The following SPATC1 variants were observed in gnomAD, a reference collection of about 807,000 sequenced individuals.
SPATC1 encodes speriolin.
SPATC1 carries 35 observed loss-of-function variants against 36.5 expected under a neutral mutation model. That is an observed-to-expected ratio of 0.96 (90% CI 0.73 to 1.27). The LOEUF is 1.27. SPATC1 is among the 50% of genes most tolerant of loss of function. SPATC1 has a pLI of 0.00. For missense variants in SPATC1, 779 were observed against 796.0 expected (o/e 0.98, Z 0.26); for synonymous variants, 361 against 353.6 (o/e 1.02, Z -0.24).
At chr8:144,031,057 A>G (rs1587507333) in intron 1 of SPATC1, among the ~76,000 whole-genome samples, 1 of 152,172 alleles carries the variant, frequency 6.6e-6, no homozygotes, top group Admixed American at 6.5e-5. Context: ...GGAGATACAA[A>G]CCAAAAATAC....
intron 1 of SPATC1, among the ~76,000 whole-genome samples, chr8:144,029,264 T>C (rs979190281): frequency 3.5e-5 from 5 of 144,694 alleles, no homozygotes; most frequent in South Asian, 2.2e-4. Flanking sequence ...CTTTGCACAC[T>C]TGCCAAAAAT....
intron 4 of SPATC1, among the ~76,000 whole-genome samples, chr8:144,042,386 C>A (rs1334822697): frequency 7.6e-6 from 1 of 131,048 alleles, no homozygotes; most frequent in East Asian, 2.4e-4. Flanking sequence ...ATGGTGCGAT[C>A]TCGGATCACC....
chr8:144,038,567 C>G (rs571834524), intron 1 of SPATC1, among the ~76,000 whole-genome samples: 13 of 152,058 alleles, frequency 8.5e-5, no homozygotes, highest in Non-Finnish European at 1.6e-4. Context: ...CTCAACCTCC[C>G]GGGCTCAAAT....
intron 4 of SPATC1, among the ~76,000 whole-genome samples, chr8:144,043,078 C>T (rs1029046642): frequency 2.6e-5 from 4 of 151,178 alleles, no homozygotes; most frequent in Admixed American, 6.6e-5. Flanking sequence ...CTGCAGCCTC[C>T]GCCACCTGGG....
At chr8:144,021,254 C>CT in intron 1 of SPATC1, among the ~76,000 whole-genome samples, 1 of 149,442 alleles carries the variant, frequency 6.7e-6, no homozygotes, top group Non-Finnish European at 1.5e-5. Flanking sequence ...CCTCAGGACT[C>CT]TCTTCCTTCA....
At chr8:144,023,996 G>C (rs1220843117) in intron 1 of SPATC1, among the ~76,000 whole-genome samples, 1 of 144,424 alleles carries the variant, frequency 6.9e-6, no homozygotes, top group Non-Finnish European at 1.5e-5. Context: ...CTCCCCTCAG[G>C]ACCCTCTACC....
intron 1 of SPATC1, among the ~76,000 whole-genome samples, chr8:144,028,313 A>G (rs999376100): frequency 1.3e-5 from 2 of 152,168 alleles, no homozygotes; most frequent in Non-Finnish European, 2.9e-5. Context: ...TCCATCTGAC[A>G]AAGGTCTAAT....
rs918694525 is a variant in SPATC1 at position 144,032,661 on chromosome 8, C to G, written c.212-7248C>G. ...CTGGAAATAAGATTATTCCTCCCTC[C>G]CCAGGGTTTATTGCTGCTTGTTATG... is the stretch of plus-strand genomic sequence containing the variant. On this transcript the variant is annotated intron_variant, in intron 1 of 4. Transcript: ENST00000377470. 1.3e-3 allele frequency among the ~76,000 whole-genome samples: 195 copies of G among 152,214 alleles called. 1 individual carries two copies. The highest frequency in any genetic ancestry group is 4.5e-3 in the African/African-American group (188 of 41,530).
At chr8:144,029,203 A>T (rs1251019127) in intron 1 of SPATC1, among the ~76,000 whole-genome samples, 1 of 95,524 alleles carries the variant, frequency 1.0e-5, no homozygotes, top group African/African-American at 5.3e-5. Context: ...CCCCAGAACT[A>T]AAAAAAAAAA....
intron 1 of SPATC1, 79 bp from the exon 2 acceptor site, chr8:144,039,830 A>C: frequency 4.1e-6 from 6 of 1,449,306 alleles, no homozygotes; most frequent in Non-Finnish European, 1.9e-6. Flanking sequence ...GCCCTACCAC[A>C]GTGACAGAGC....
At chr8:144,041,550 C>T (rs181271179) in intron 4 of SPATC1, among the ~76,000 whole-genome samples, 179 bp downstream of exon 4, 1 of 152,328 alleles carries the variant, frequency 6.6e-6, no homozygotes, top group East Asian at 1.9e-4. Flanking sequence ...TGGGAGCCCA[C>T]GGTCTCCTCA....
chr8:144,021,194 CCCCTT>C (rs1834520508), intron 1 of SPATC1, among the ~76,000 whole-genome samples: 1 of 124,208 alleles, frequency 8.1e-6, no homozygotes, highest in East Asian at 2.7e-4. Context: ...AGGACCCTCT[CCCCTT>C]AGAACCCCCT....
chr8:144,041,254 G>A lies in SPATC1; in HGVS notation c.1329G>A (p.Glu443=), dbSNP rs782422964. The A allele has an allele frequency of 6.2e-7, 1 of 1,613,158 alleles. No homozygotes were observed. Among genetic ancestry groups the A allele is most frequent in the Non-Finnish European group, 8.5e-7 (1 of 1,179,994 alleles). The change falls in exon 4 of 5, where the codon GAG becomes GAA. Residue 443 remains glutamate, a synonymous_variant. Coordinates refer to ENST00000377470, the MANE Select transcript of SPATC1 (RefSeq NM_198572.3). ...CAGAGTCGAAGCAGCTGGCCTGGGA[G>A]AGGCTGGTGGGTGAGATTGCCTTCC... The part of the protein sequence containing the change: ...NPRESKQLAW[E]RLVGEIAFQL...
In SPATC1 at chr8:144,046,980, T is replaced by C; in HGVS notation, c.*24T>C. ...GACGCTGGAGCTGGGAGGTCCAGGC[T>C]CGCTCAGCCCCACAGCCCTGTGCAC... On this transcript the variant is annotated 3_prime_UTR_variant, in exon 5 of 5. Coordinates refer to ENST00000377470, the MANE Select transcript of SPATC1 (RefSeq NM_198572.3). This position sits in a 1 kb window ranked among gnomAD's most constrained non-coding sequence, Gnocchi z 6.6. 4 of 1,584,572 alleles carry C rather than the reference T, an allele frequency of 2.5e-6. No individual in the cohort carries two copies. The highest frequency in any genetic ancestry group is 3.4e-6 in the Non-Finnish European group (4 of 1,172,086).
In SPATC1 at chr8:144,040,965, C is replaced by G. The variant is rs782611886; in HGVS notation, c.1164C>G (p.Ser388=). Residue 388 remains serine, a synonymous_variant, in exon 3 of 5, where the codon TCC becomes TCG. Coordinates refer to ENST00000377470, the MANE Select transcript of SPATC1 (RefSeq NM_198572.3). ...VPHCPPHNAH[S]PPRTSSSPAS... ...ACTGTCCTCCACACAACGCCCACTC[C>G]CCACCTCGTACCTCATCCTCCCCGG... 16 of 1,611,780 alleles carry G rather than the reference C, an allele frequency of 9.9e-6. No individual in the cohort carries two copies. Among genetic ancestry groups the G allele is most frequent in the South Asian group, 4.4e-5 (4 of 90,936 alleles).
chr8:144,031,140 A>G (rs1288491942), intron 1 of SPATC1, among the ~76,000 whole-genome samples: 1 of 152,162 alleles, frequency 6.6e-6, no homozygotes, highest in East Asian at 1.9e-4. Context: ...GCTTCTAGTT[A>G]CTGTCTAGTT....
Position 144,046,877 on chromosome 8 carries a change from T to C in SPATC1, c.1697T>C (p.Met566Thr). The change falls in exon 5 of 5, where the codon ATG becomes ACG. Residue 566 changes from methionine to threonine, a missense_variant. Coordinates refer to ENST00000377470, the MANE Select transcript of SPATC1 (RefSeq NM_198572.3). The surrounding 1 kb of genome is among the most constrained non-coding windows in gnomAD (Gnocchi z 6.6). The part of the protein sequence containing the change: ...RVVVETVHPG[M>T]LADALLLLSC... ...GTGGTGGAGACCGTGCACCCCGGCA[T>C]GCTCGCCGACGCGCTGCTGCTGCTC... is the stretch of plus-strand genomic sequence containing the variant. 1 of 1,600,344 alleles carries C rather than the reference T, an allele frequency of 6.2e-7. No homozygotes were observed. The highest frequency in any genetic ancestry group is 8.5e-7 in the Non-Finnish European group (1 of 1,179,786).
upstream of SPATC1, among the ~76,000 whole-genome samples, chr8:144,012,154 G>A (rs1432305676): frequency 6.6e-6 from 1 of 152,258 alleles, no homozygotes; most frequent in African/African-American, 2.4e-5. Context: ...CAGGGGAAGT[G>A]CTATGACACA....
intron 1 of SPATC1, among the ~76,000 whole-genome samples, chr8:144,039,564 G>T (rs1020114002): frequency 6.6e-6 from 1 of 152,196 alleles, no homozygotes; most frequent in East Asian, 1.9e-4. Flanking sequence ...GGGTGGGCAC[G>T]GTTGAGGAAA....
Sources: allele counts gnomAD v4.1 joint callset (sites outside exome capture counted in the v4.1 genomes callset), GRCh38; gene constraint gnomAD v4.1.1; non-coding constraint Gnocchi (gnomAD v3.1); transcripts MANE v1.5; gene names NCBI Gene and HGNC (gene_info 2026-07-23, HGNC 2026-07-21).